Variants in AGBL4 observed in about 807,000 individuals in gnomAD.
AGBL4 encodes the protein cytosolic carboxypeptidase 6.
AGBL4 carries 58 observed loss-of-function variants against 66.4 expected under a neutral mutation model. The ratio of observed to expected loss-of-function variants is 0.87; its 90% CI spans 0.71 to 1.09. The LOEUF (loss-of-function observed/expected upper bound fraction) is 1.09, where lower values mean the gene tolerates loss of function less well. AGBL4 is among the 50% of genes least tolerant of loss of function. The pLI is 0.00. For missense variants in AGBL4, 579 were observed against 631.0 expected (o/e 0.92, Z 0.88); for synonymous variants, 234 against 222.9 (o/e 1.05, Z -0.44).
intron 3 of AGBL4, among the ~76,000 whole-genome samples, chr1:49,281,539 A>C (rs1480828142): frequency 6.6e-6 from 1 of 152,254 alleles, no homozygotes; most frequent in East Asian, 1.9e-4. Context: ...AGGTGTTAGC[A>C]GTCAATGTCA....
chr1:49,349,997 G>T (rs1645716585), intron 3 of AGBL4, among the ~76,000 whole-genome samples: 1 of 152,158 alleles, frequency 6.6e-6, no homozygotes, highest in Non-Finnish European at 1.5e-5. Context: ...CTAGCCTCCA[G>T]AATGGTGAGA....
intron 4 of AGBL4, among the ~76,000 whole-genome samples, chr1:49,245,270 AC>A (rs1168414606): frequency 5.3e-5 from 8 of 150,582 alleles, no homozygotes. Flanking sequence ...ACACACACAC[AC>A]ACACACACAC....
At chr1:49,761,938 A>G (rs1205493072) in intron 2 of AGBL4, among the ~76,000 whole-genome samples, 1 of 152,100 alleles carries the variant, frequency 6.6e-6, no homozygotes, top group Non-Finnish European at 1.5e-5. Context: ...ATAGTATTCT[A>G]TTGTGTATAT....
At chr1:49,416,155 G>C (rs182009997) in intron 3 of AGBL4, among the ~76,000 whole-genome samples, 3 of 151,888 alleles carry the variant, frequency 2.0e-5, no homozygotes, top group African/African-American at 7.3e-5. Flanking sequence ...CAAAAGAACC[G>C]GTACATTTTG....
intron 6 of AGBL4, among the ~76,000 whole-genome samples, chr1:48,729,394 C>A (rs1163444892): frequency 6.6e-6 from 1 of 152,114 alleles, no homozygotes; most frequent in African/African-American, 2.4e-5. Context: ...TAATAATGGG[C>A]AAAACCCTTG....
At chr1:48,719,680 G>T (rs1300671942) in intron 6 of AGBL4, among the ~76,000 whole-genome samples, 1 of 152,084 alleles carries the variant, frequency 6.6e-6, no homozygotes, top group Non-Finnish European at 1.5e-5. Flanking sequence ...CTTGCCTATT[G>T]CTCACAATAA....
At chr1:49,290,548 G>A (rs1644514399) in intron 3 of AGBL4, among the ~76,000 whole-genome samples, 1 of 152,182 alleles carries the variant, frequency 6.6e-6, no homozygotes, top group African/African-American at 2.4e-5. Flanking sequence ...ATTGTATTAA[G>A]AAGGGGAAAG....
chr1:48,524,731 AAAGAAGTTATTCATAT>A, the AGBL4 span, among the ~76,000 whole-genome samples: 1 of 152,222 alleles, frequency 6.6e-6, no homozygotes, highest in African/African-American at 2.4e-5. Flanking sequence ...ACACAAATAT[AAAGAAGTTATTCATAT>A]AAGATGTTCA....
intron 4 of AGBL4, among the ~76,000 whole-genome samples, chr1:49,233,302 AT>A (rs1376512084): frequency 1.3e-5 from 2 of 152,262 alleles, no homozygotes; most frequent in African/African-American, 4.8e-5. Context: ...TTTAATTATC[AT>A]GCTTAAAAGT....
At chr1:49,107,331 A>T (rs1645311217) in intron 4 of AGBL4, among the ~76,000 whole-genome samples, 1 of 152,178 alleles carries the variant, frequency 6.6e-6, no homozygotes. Context: ...CTAAGTTATA[A>T]TGTTTGGTAG....
intron 2 of AGBL4, among the ~76,000 whole-genome samples, chr1:49,778,765 C>T (rs1644263098): frequency 6.6e-6 from 1 of 151,980 alleles, no homozygotes; most frequent in African/African-American, 2.4e-5. Flanking sequence ...AATGGGTGCA[C>T]ATGAACATAA....
At chr1:49,196,209 CTTTG>C (rs1647248154) in intron 4 of AGBL4, among the ~76,000 whole-genome samples, 1 of 152,092 alleles carries the variant, frequency 6.6e-6, no homozygotes, top group Non-Finnish European at 1.5e-5. Flanking sequence ...CTTCTCAAGG[CTTTG>C]TTTATTCTTT....
At chr1:49,323,312 T>C (rs937843013) in intron 3 of AGBL4, among the ~76,000 whole-genome samples, 1 of 152,128 alleles carries the variant, frequency 6.6e-6, no homozygotes, top group Admixed American at 6.5e-5. Context: ...ATGGAGTCTC[T>C]TGCTCTGCCG....
chr1:49,394,669 A>G (rs2148598432), intron 3 of AGBL4, among the ~76,000 whole-genome samples: 1 of 152,336 alleles, frequency 6.6e-6, no homozygotes, highest in East Asian at 1.9e-4. Context: ...TGGCAAAGAT[A>G]TATTTGGTGC....
chr1:48,820,592 T>G (rs947965403), intron 6 of AGBL4, among the ~76,000 whole-genome samples: 1 of 152,158 alleles, frequency 6.6e-6, no homozygotes, highest in Admixed American at 6.6e-5. Flanking sequence ...TCCTCTTACC[T>G]CCCTGATTTT....
intron 4 of AGBL4, among the ~76,000 whole-genome samples, chr1:49,156,645 T>C (rs1646435994): frequency 6.6e-6 from 1 of 152,146 alleles, no homozygotes; most frequent in African/African-American, 2.4e-5. Context: ...GAAGCTGGCT[T>C]TACCCAGAGA....
At chr1:49,656,529 C>G (rs1646137668) in intron 3 of AGBL4, among the ~76,000 whole-genome samples, 1 of 152,100 alleles carries the variant, frequency 6.6e-6, no homozygotes, top group Admixed American at 6.5e-5. Context: ...ATCCTGATAC[C>G]AAAGCCGGGC....
intron 2 of AGBL4, among the ~76,000 whole-genome samples, chr1:49,814,205 G>A (rs1645177314): frequency 6.6e-6 from 1 of 152,092 alleles, no homozygotes; most frequent in Non-Finnish European, 1.5e-5. Context: ...TCCCTGATAA[G>A]ATGACATTTC....
At chr1:48,709,148 A>T (rs1269966536) in intron 6 of AGBL4, among the ~76,000 whole-genome samples, 1 of 151,954 alleles carries the variant, frequency 6.6e-6, no homozygotes, top group East Asian at 1.9e-4. Context: ...GCTATCAGTG[A>T]CTCTCTGGAG....
Sources: gnomAD v4.1 joint callset for allele counts (sites outside exome capture counted in the v4.1 genomes callset) on GRCh38, gnomAD v4.1.1 for gene constraint, MANE v1.5 for transcripts, NCBI Gene and HGNC (gene_info 2026-07-23, HGNC 2026-07-21) for gene names.